TLL1: variants seen among roughly 807,000 people sequenced by gnomAD.
The protein encoded by TLL1 is tolloid like 1.
A neutral mutation model predicts 128.2 loss-of-function variants in TLL1; 49 were observed. The observed-to-expected ratio is 0.38, with a 90% CI of 0.30 to 0.48. The LOEUF is 0.48. Among genes scored for constraint, TLL1 ranks in the 20% least tolerant of loss-of-function variants. TLL1 has a pLI of 0.96. For missense variants in TLL1, 1,123 were observed against 1,242.0 expected (o/e 0.90, Z 1.44); for synonymous variants, 454 against 418.8 (o/e 1.08, Z -1.03).
intron 1 of TLL1, among the ~76,000 whole-genome samples, chr4:165,956,949 A>G (rs1734831461): frequency 6.6e-6 from 1 of 152,114 alleles, no homozygotes; most frequent in South Asian, 2.1e-4. Context: ...CAGCTTCACA[A>G]TTGCATCTAC....
chr4:166,066,289 AAATAT>A (rs1468025514), intron 16 of TLL1, among the ~76,000 whole-genome samples: 3 of 151,638 alleles, frequency 2.0e-5, no homozygotes, highest in Admixed American at 6.6e-5. Context: ...TAATTTTACT[AAATAT>A]AATATATTGT....
chr4:166,082,146 GT>G (rs1295833804), intron 18 of TLL1, among the ~76,000 whole-genome samples: 1 of 152,116 alleles, frequency 6.6e-6, no homozygotes, highest in African/African-American at 2.4e-5. Flanking sequence ...TGTAAGCCAG[GT>G]TTTTTCAAAT....
rs114216076 is a variant in TLL1, at chr4:166,085,874, C to T, written c.2443-5254C>T. ...AATTTTATGAGACAATTTTTTAAAT[C>T]GTAGTTTATGAATTTTGAAAGCCTA... On this transcript the variant is annotated intron_variant, in intron 18 of 20. Transcript: ENST00000061240. 8.2e-3 allele frequency among the ~76,000 whole-genome samples: 1,246 copies of T among 152,080 alleles called. 20 individuals carry two copies. The highest frequency in any genetic ancestry group is 0.027 in the African/African-American group (1,132 of 41,498).
intron 1 of TLL1, among the ~76,000 whole-genome samples, chr4:165,974,570 TTAACAAGCATTAA>T (rs1735786669): frequency 6.6e-6 from 1 of 152,228 alleles, no homozygotes; most frequent in Non-Finnish European, 1.5e-5. Flanking sequence ...TTGTTAACAT[TTAACAAGCATTAA>T]TGGAGTTTAG....
chr4:166,025,842 A>G lies in TLL1; in HGVS notation c.1158+411A>G, dbSNP rs191572911. ...GAAAAATATTGAAGACCAACCCTGT[A>G]AAATGCAAATAGAGTAGTACTTAGT... On this transcript the variant is annotated intron_variant, in intron 9 of 20. Transcript: ENST00000061240. 1.3e-3 allele frequency among the ~76,000 whole-genome samples: 193 copies of G among 152,252 alleles called. 3 individuals are homozygous for G. Among genetic ancestry groups the G allele is most frequent in the Middle Eastern group, 0.01 (3 of 294 alleles).
intron 3 of TLL1, 130 bp from the exon 4 acceptor site, chr4:165,994,251 A>G (rs1329713522): frequency 9.9e-7 from 1 of 1,007,736 alleles, no homozygotes; most frequent in Non-Finnish European, 1.5e-6. Context: ...TTTTTCTTTA[A>G]TGCATTTTGA....
rs1740062077 is a variant in TLL1, at chr4:166,057,274, G to T, written c.1811G>T (p.Gly604Val). The T allele has an allele frequency of 6.2e-7, 1 of 1,613,904 alleles. No individual in the cohort carries two copies. The highest frequency in any genetic ancestry group is 1.3e-5 in the African/African-American group (1 of 75,012). ...AGTTACCAGTGTGCCTGTGAGCCTG[G>T]CTATGAGCTGGGCCCAGACAGAAGG... ...LGSYQCACEP[G>V]YELGPDRRSC... is the part of the protein sequence containing the mutation. The change falls in exon 14 of 21, where the codon GGC (glycine) becomes GTC (valine). Residue 604 changes from glycine (G) to valine (V), a missense_variant. Physicochemically the swap from Gly to Val is moderately radical, Grantham distance 109. Transcript: ENST00000061240.
At chr4:165,916,461 T>G (rs973605205) in intron 1 of TLL1, among the ~76,000 whole-genome samples, 2 of 152,044 alleles carry the variant, frequency 1.3e-5, no homozygotes, top group African/African-American at 4.8e-5. Context: ...TAGGGGGAGG[T>G]GTACATCAGC....
Position 166,104,047 on chromosome 4 carries a change from G to A in TLL1, c.*3171G>A, listed in dbSNP as rs1159946801. Among the ~76,000 whole-genome samples, 4 of 151,650 alleles carry A rather than the reference G, an allele frequency of 2.6e-5. No individual in the cohort carries two copies. Among genetic ancestry groups the A allele is most frequent in the Non-Finnish European group, 5.9e-5 (4 of 67,836 alleles). The stretch of plus-strand genomic sequence containing the variant: ...ACTGGCTGGATTTTTGCTACCTGTC[G>A]CTCATTTTAATATGTCACAGTATGA... On this transcript the variant is annotated 3_prime_UTR_variant, in exon 21 of 21. Coordinates refer to ENST00000061240, the MANE Select transcript of TLL1 (RefSeq NM_012464.5).
intron 16 of TLL1, among the ~76,000 whole-genome samples, chr4:166,071,963 C>A (rs1364716081): frequency 6.6e-6 from 1 of 151,874 alleles, no homozygotes; most frequent in Non-Finnish European, 1.5e-5. Context: ...GTGCAAAATA[C>A]CAAAATTTTT....
intron 1 of TLL1, among the ~76,000 whole-genome samples, chr4:165,898,207 T>C (rs1731777875): frequency 1.3e-5 from 2 of 152,242 alleles, no homozygotes; most frequent in Non-Finnish European, 2.9e-5. Flanking sequence ...TCTTCCTATC[T>C]GAATATGCTT....
chr4:166,017,939 G>A (rs1287840308), intron 8 of TLL1, among the ~76,000 whole-genome samples: 1 of 152,072 alleles, frequency 6.6e-6, no homozygotes, highest in Non-Finnish European at 1.5e-5. Context: ...TGATGCAGTA[G>A]GTTTACCAAT....
chr4:165,915,984 A>G (rs147187175), intron 1 of TLL1, among the ~76,000 whole-genome samples: 154 of 152,356 alleles, frequency 1.0e-3, no homozygotes, highest in African/African-American at 3.6e-3. Flanking sequence ...TAAACAAATA[A>G]TTAAACCAAT....
intron 10 of TLL1, among the ~76,000 whole-genome samples, chr4:166,041,723 C>G (rs1739250127): frequency 6.6e-6 from 1 of 152,174 alleles, no homozygotes; most frequent in Admixed American, 6.5e-5. Context: ...CACCTTGATG[C>G]ATCATTTGAC....
chr4:165,896,088 C>T (rs566327059), intron 1 of TLL1, among the ~76,000 whole-genome samples: 65 of 152,166 alleles, frequency 4.3e-4, no homozygotes, highest in African/African-American at 1.6e-3. Flanking sequence ...CCTCTAACCC[C>T]CTACCCCCAA....
At chr4:165,976,340 T>G (rs527731180) in intron 1 of TLL1, among the ~76,000 whole-genome samples, 1 of 152,284 alleles carries the variant, frequency 6.6e-6, no homozygotes, top group African/African-American at 2.4e-5. Context: ...TAATATTTGT[T>G]AAAGAAATAC....
chr4:165,878,517 C>A (rs1410636101), intron 1 of TLL1, among the ~76,000 whole-genome samples: 1 of 152,082 alleles, frequency 6.6e-6, no homozygotes, highest in African/African-American at 2.4e-5. Flanking sequence ...TCTTGAGGGC[C>A]CACATCCATA....
intron 19 of TLL1, 90 bp from the exon 20 acceptor site, chr4:166,099,187 G>A (rs1742164179): frequency 6.3e-7 from 1 of 1,578,006 alleles, no homozygotes; most frequent in Non-Finnish European, 8.7e-7. Context: ...GTTAGACAAT[G>A]GCTAGGCTAC....
At chr4:166,012,733 G>T (rs1737754589) in intron 7 of TLL1, among the ~76,000 whole-genome samples, 1 of 151,634 alleles carries the variant, frequency 6.6e-6, no homozygotes, top group Non-Finnish European at 1.5e-5. Flanking sequence ...ACTATGCACA[G>T]ATCTCACTTT....
Sources: gnomAD v4.1 joint callset for allele counts (sites outside exome capture counted in the v4.1 genomes callset) on GRCh38, gnomAD v4.1.1 for gene constraint, MANE v1.5 for transcripts, NCBI Gene and HGNC (gene_info 2026-07-23, HGNC 2026-07-21) for gene names.